Variants in CLCA1 observed in about 807,000 individuals in gnomAD.
CLCA1 encodes the protein chloride channel accessory 1.
Under a neutral mutation model 85.6 loss-of-function variants are expected in CLCA1, and 59 were observed. The ratio of observed to expected loss-of-function variants is 0.69; its 90% CI spans 0.56 to 0.86. The LOEUF (loss-of-function observed/expected upper bound fraction) is 0.86, where lower values mean the gene tolerates loss of function less well. Among genes scored for constraint, CLCA1 ranks in the 40% least tolerant of loss-of-function variants. The pLI, the probability that CLCA1 is intolerant of heterozygous loss-of-function variation, is 0.00. For missense variants in CLCA1, 1,022 were observed against 1,101.4 expected (o/e 0.93, Z 1.02); for synonymous variants, 396 against 398.3 (o/e 0.99, Z 0.07).
intron 5 of CLCA1, among the ~76,000 whole-genome samples, 183 bp downstream of exon 5, chr1:86,482,565 C>T (rs776672404): frequency 4.6e-5 from 7 of 152,176 alleles, no homozygotes; most frequent in East Asian, 3.8e-4. Context: ...TTACCCTCCT[C>T]GTGTCCACGC....
In CLCA1 at chr1:86,499,653, G is replaced by A; in HGVS notation, c.2354-1G>A. On this transcript the variant is annotated splice_acceptor_variant, in intron 13 of 13. Transcript: ENST00000394711. LOFTEE classifies it high-confidence loss of function. ...GTCACATTCTTCTTTTTTCTTTTTA[G>A]CTCACAAGTATATCATTCGAATAAG... 6.5e-7 allele frequency: 1 copy of A among 1,531,678 alleles called. No homozygotes were observed. The highest frequency in any genetic ancestry group is 8.9e-7 in the Non-Finnish European group (1 of 1,128,572). 94.9% of individuals were successfully genotyped at this position (1,531,678 alleles called of 1,614,324 possible). A position where few individuals can be genotyped will look rare whatever the true frequency, so the allele number is the denominator to read the frequency against.
At chr1:86,472,939 TAA>T (rs1466991257) in intron 1 of CLCA1, among the ~76,000 whole-genome samples, 2 of 152,226 alleles carry the variant, frequency 1.3e-5, no homozygotes, top group East Asian at 1.9e-4. Context: ...AGAATTATAC[TAA>T]GTCTCAGTTT....
chr1:86,495,629 A>AC lies in CLCA1; in HGVS notation c.2071dup (p.Gln691ProfsTer13). On this transcript the variant is annotated frameshift_variant, in exon 12 of 14. Transcript: ENST00000394711. LOFTEE classifies it high-confidence loss of function. ...TTAACGCAGCCAGACGGAGAGTGAT[A>AC]CCCCAGCAGAGTGGAGCACTGTACA... 10 of 1,614,132 alleles carry AC rather than the reference A, an allele frequency of 6.2e-6. No individual in the cohort carries two copies. Among genetic ancestry groups the AC allele is most frequent in the Non-Finnish European group, 8.5e-6 (10 of 1,179,988 alleles).
chr1:86,489,185 G>C lies in CLCA1; in HGVS notation c.1357+15G>C. 6.2e-7 allele frequency: 1 copy of C among 1,610,744 alleles called. No homozygotes were observed. Among genetic ancestry groups the C allele is most frequent in the Non-Finnish European group, 8.5e-7 (1 of 1,178,272 alleles). ...CAAAATGACAGGTGAGGGATGATTTGCTGAGACCCCCGGTATTGTCTCTCC... is the reference window on the plus strand; with the variant it reads ...CAAAATGACAGGTGAGGGATGATTTCCTGAGACCCCCGGTATTGTCTCTCC... On this transcript the variant is annotated intron_variant, in intron 8 of 13. Transcript: ENST00000394711.
intron 4 of CLCA1, among the ~76,000 whole-genome samples, chr1:86,481,603 T>C (rs1647824848): frequency 6.6e-6 from 1 of 152,164 alleles, no homozygotes; most frequent in African/African-American, 2.4e-5. Context: ...GTGAGACATG[T>C]TTTTTTCTTT....
chr1:86,473,530 G>A lies in CLCA1; in HGVS notation c.276G>A (p.Val92=), dbSNP rs1647558018. Residue 92 remains valine, a synonymous_variant, in exon 2 of 14, where the codon GTG becomes GTA. Transcript: ENST00000394711. ...CATGGAAGACAAAGGCTGACTATGT[G>A]AGACCAAAACTTGAGACCTACAAAA... The part of the protein sequence containing the change: ...PETWKTKADY[V]RPKLETYKNA... 1.2e-6 allele frequency: 2 copies of A among 1,608,136 alleles called. No homozygotes were observed. The highest frequency in any genetic ancestry group is 1.7e-6 in the Non-Finnish European group (2 of 1,176,930).
In CLCA1 at chr1:86,482,303, A is replaced by G. The variant is rs751607779; in HGVS notation, c.656A>G (p.Tyr219Cys). ...RCTFNKVTGL[Y>C]EKGCEFVLQS... Reference sequence around the variant, plus strand: ...ACATTCAATAAAGTAACAGGACTCTATGAAAAAGGATGTGAGTTTGTTCTC... The same window carrying G: ...ACATTCAATAAAGTAACAGGACTCTGTGAAAAAGGATGTGAGTTTGTTCTC... The change falls in exon 5 of 14, where the codon TAT (tyrosine) becomes TGT (cysteine). Residue 219 changes from tyrosine (Y) to cysteine (C), a missense_variant. Transcript: ENST00000394711. 6.2e-7 allele frequency: 1 copy of G among 1,614,126 alleles called. No homozygotes were observed. The highest frequency in any genetic ancestry group is 8.5e-7 in the Non-Finnish European group (1 of 1,179,950).
intron 5 of CLCA1, 131 bp from the exon 6 acceptor site, chr1:86,485,212 C>T (rs1647930833): frequency 1.4e-6 from 1 of 696,396 alleles, no homozygotes; most frequent in Non-Finnish European, 2.5e-6. Context: ...TGATTTTCCC[C>T]AGCACTGTTC....
At chr1:86,482,507 G>T in intron 5 of CLCA1, 125 bp downstream of exon 5, 1 of 884,308 alleles carries the variant, frequency 1.1e-6, no homozygotes, top group Non-Finnish European at 1.7e-6. Flanking sequence ...TTATCTCTGG[G>T]ACAAGCTGGG....
intron 9 of CLCA1, 90 bp from the exon 10 acceptor site, chr1:86,493,294 A>G: frequency 1.0e-6 from 1 of 964,986 alleles, no homozygotes; most frequent in Non-Finnish European, 1.6e-6. Context: ...AGTCTTTTTA[A>G]TGGCGCACTG....
Position 86,499,655 on chromosome 1 carries a change from T to C in CLCA1, c.2355T>C (p.Ala785=), listed in dbSNP as rs771238332. 1.2e-5 allele frequency: 19 copies of C among 1,545,384 alleles called. No homozygotes were observed. In the Admixed American group the frequency reaches 3.6e-4, roughly 29 times the overall value. The change falls in exon 14 of 14, where the codon GCT becomes GCC. Residue 785 remains alanine (A), a splice_region_variant and synonymous_variant. Coordinates refer to ENST00000394711, the MANE Select transcript of CLCA1 (RefSeq NM_001285.4). ...APGDDYDHGT[A]HKYIIRISTS... is the part of the protein sequence containing the mutation. ...CACATTCTTCTTTTTTCTTTTTAGCTCACAAGTATATCATTCGAATAAGTA... is the reference window on the plus strand; with the variant it reads ...CACATTCTTCTTTTTTCTTTTTAGCCCACAAGTATATCATTCGAATAAGTA...
chr1:86,489,387 C>T (rs560109932), intron 8 of CLCA1, among the ~76,000 whole-genome samples: 15 of 152,306 alleles, frequency 9.8e-5, no homozygotes, highest in African/African-American at 3.6e-4. Flanking sequence ...GAAGATGGAA[C>T]TAGCACAGCA....
Position 86,495,010 on chromosome 1 carries a change from G to A in CLCA1, c.1943-495G>A, listed in dbSNP as rs188377289. Among the ~76,000 whole-genome samples, 1,148 of 150,008 alleles carry A rather than the reference G, an allele frequency of 7.7e-3. 16 individuals are homozygous for A. Among genetic ancestry groups the A allele is most frequent in the African/African-American group, 0.027 (1,117 of 40,732 alleles). Reference sequence around the variant, plus strand: ...TTCTTGTCTTTAAGAAGTCTATCAGGGAGAGAGAGAAAGAGAATTCTACAG... The same window carrying A: ...TTCTTGTCTTTAAGAAGTCTATCAGAGAGAGAGAGAAAGAGAATTCTACAG... On this transcript the variant is annotated intron_variant, in intron 11 of 13. Transcript: ENST00000394711.
intron 8 of CLCA1, among the ~76,000 whole-genome samples, chr1:86,490,916 A>ACC (rs1648117376): frequency 1.7e-5 from 2 of 120,370 alleles, no homozygotes; most frequent in Non-Finnish European, 3.8e-5. Context: ...AAAAAAAAAA[A>ACC]AAAAAATACA....
At chr1:86,472,993 C>T (rs141821646) in intron 1 of CLCA1, among the ~76,000 whole-genome samples, 13 of 152,300 alleles carry the variant, frequency 8.5e-5, no homozygotes, top group East Asian at 7.7e-4. Flanking sequence ...GCAAGTGAAA[C>T]GCATAGCTAA....
chr1:86,473,783 G>A lies in CLCA1; in HGVS notation c.358G>A (p.Glu120Lys), dbSNP rs1244979379. The A allele has an allele frequency of 6.2e-6, 10 of 1,612,216 alleles. No homozygotes were observed. The highest frequency in any genetic ancestry group is 8.5e-6 in the Non-Finnish European group (10 of 1,178,854). The change falls in exon 3 of 14, where the codon GAG becomes AAG. Residue 120 changes from glutamate to lysine, a missense_variant. Physicochemically the swap from Glu to Lys is moderately conservative, Grantham distance 56 (BLOSUM62 1). Transcript: ENST00000394711. ...TPPGNDEPYT[E>K]QMGNCGEKGE... ...TCCAGGTAATGATGAACCCTACACT[G>A]AGCAGATGGGCAACTGTGGAGAGAA...
intron 5 of CLCA1, among the ~76,000 whole-genome samples, chr1:86,483,931 C>T (rs555571042): frequency 3.4e-4 from 51 of 152,162 alleles, no homozygotes; most frequent in Non-Finnish European, 5.9e-4. Flanking sequence ...CCTCAGGAAA[C>T]TTACCATCAT....
intron 12 of CLCA1, among the ~76,000 whole-genome samples, chr1:86,498,189 TGG>T (rs1648351297): frequency 9.3e-6 from 1 of 106,966 alleles, no homozygotes; most frequent in Non-Finnish European, 2.0e-5. Flanking sequence ...GAAGGAAGGA[TGG>T]AAGGAAGGAA....
At chr1:86,475,032 G>A (rs5744329) in intron 3 of CLCA1, among the ~76,000 whole-genome samples, 34,248 of 151,888 alleles carry the variant, frequency 0.23, 4,071 homozygotes, top group East Asian at 0.36. Context: ...TGTGTCAAGC[G>A]TACCTCTTTG....
Sources: allele counts gnomAD v4.1 joint callset (sites outside exome capture counted in the v4.1 genomes callset), GRCh38; gene constraint gnomAD v4.1.1; transcripts MANE v1.5; gene names NCBI Gene and HGNC (gene_info 2026-07-23, HGNC 2026-07-21).